Variants in HDAC4 observed in about 807,000 individuals in gnomAD.
HDAC4 encodes the protein histone deacetylase A.
HDAC4 carries 16 observed loss-of-function variants against 135.1 expected under a neutral mutation model. The ratio of observed to expected loss-of-function variants is 0.12; its 90% CI spans 0.08 to 0.18. The LOEUF (loss-of-function observed/expected upper bound fraction) is 0.18. Among genes scored for constraint, HDAC4 ranks in the 10% least tolerant of loss-of-function variants. HDAC4 has a pLI of 1.00. For synonymous variants in HDAC4, 685 were observed against 653.4 expected, an observed-to-expected ratio of 1.05 and a Z score of -0.74; for missense variants, 1,143 against 1,511.8, an observed-to-expected ratio of 0.76 and a Z score of 4.05.
intron 7 of HDAC4, among the ~76,000 whole-genome samples, chr2:239,149,018 C>T (rs147655942): frequency 1.8e-4 from 28 of 152,276 alleles, no homozygotes; most frequent in South Asian, 6.2e-4. Context: ...ATAACGCAGG[C>T]GGGACAGGCA....
At chr2:239,076,855 C>G (rs947548321) in intron 22 of HDAC4, among the ~76,000 whole-genome samples, 2 of 152,190 alleles carry the variant, frequency 1.3e-5, no homozygotes, top group African/African-American at 4.8e-5. Context: ...CATCCACCCC[C>G]ACCTGAACCT....
intron 2 of HDAC4, among the ~76,000 whole-genome samples, chr2:239,305,825 C>A (rs182793434): frequency 6.6e-6 from 1 of 152,300 alleles, no homozygotes; most frequent in African/African-American, 2.4e-5. Flanking sequence ...ACACAGGAAG[C>A]TTTAGCAAGT....
At position 239,349,589 on chromosome 2, in the gene HDAC4, A is replaced by T. The variant is rs944045709; in HGVS notation, c.22+3089T>A. On this transcript the variant is annotated intron_variant, in intron 2 of 26. Coordinates refer to ENST00000543185, the MANE Select transcript of HDAC4 (RefSeq NM_001378414.1). The surrounding 1 kb of genome is among the most constrained non-coding windows in gnomAD (Gnocchi z 5.7). Reference sequence around the variant, plus strand: ...CACAAGCGAGTGGGCCTCGCCCAGGAGGGAGGGCACGGTTCTGGGCAAGCC... The same window carrying T: ...CACAAGCGAGTGGGCCTCGCCCAGGTGGGAGGGCACGGTTCTGGGCAAGCC... Among the ~76,000 whole-genome samples the T allele has an allele frequency of 6.6e-6, 1 of 152,142 alleles. No individual in the cohort carries two copies. The highest frequency in any genetic ancestry group is 6.5e-5 in the Admixed American group (1 of 15,292).
intron 7 of HDAC4, among the ~76,000 whole-genome samples, chr2:239,148,323 G>T (rs1308293966): frequency 6.6e-6 from 1 of 152,182 alleles, no homozygotes; most frequent in Non-Finnish European, 1.5e-5. Context: ...AGGATAAAAA[G>T]ATGAAAAATG....
chr2:239,212,274 T>C (rs2046386827), intron 3 of HDAC4, among the ~76,000 whole-genome samples: 1 of 152,170 alleles, frequency 6.6e-6, no homozygotes, highest in Non-Finnish European at 1.5e-5. Context: ...GCCTCCTGGC[T>C]GAGCTGGGCG....
chr2:239,080,057 C>T (rs975859209), intron 22 of HDAC4, among the ~76,000 whole-genome samples: 4 of 150,872 alleles, frequency 2.7e-5, no homozygotes, highest in Admixed American at 2.6e-4. Flanking sequence ...CCCACCCACA[C>T]AGACACACAC....
chr2:239,102,192 G>C (rs1041810110), intron 16 of HDAC4, among the ~76,000 whole-genome samples: 9 of 151,746 alleles, frequency 5.9e-5, no homozygotes, highest in African/African-American at 2.2e-4. Context: ...TGTGGCCTGG[G>C]AACACTGGAA....
chr2:239,168,264 A>G (rs1281323150), intron 5 of HDAC4, among the ~76,000 whole-genome samples: 1 of 152,136 alleles, frequency 6.6e-6, no homozygotes, highest in Non-Finnish European at 1.5e-5. Flanking sequence ...CAGTGAGAGA[A>G]AGCGGGGCTG....
intron 6 of HDAC4, among the ~76,000 whole-genome samples, chr2:239,157,327 C>G (rs541005626): frequency 6.6e-6 from 1 of 152,168 alleles, no homozygotes; most frequent in East Asian, 2.0e-4. Context: ...CGTGCCTTCA[C>G]CAAACTCACC....
intron 11 of HDAC4, among the ~76,000 whole-genome samples, chr2:239,131,596 G>A (rs2040590269): frequency 6.6e-6 from 1 of 152,204 alleles, no homozygotes; most frequent in Non-Finnish European, 1.5e-5. Context: ...GGCTCTGGGG[G>A]CTGGCTGCGG....
intron 2 of HDAC4, among the ~76,000 whole-genome samples, chr2:239,283,746 T>C (rs1043845148): frequency 2.0e-5 from 3 of 152,182 alleles, no homozygotes; most frequent in African/African-American, 4.8e-5. Flanking sequence ...CGGGCGGTCA[T>C]GGAATTGGAG....
chr2:239,158,048 G>A (rs1343488467), intron 6 of HDAC4, among the ~76,000 whole-genome samples: 4 of 152,228 alleles, frequency 2.6e-5, no homozygotes, highest in Admixed American at 1.3e-4. Context: ...AGTCAGGCTC[G>A]GACTGCAGGG....
At chr2:239,054,172 T>G (rs2031392188) in intron 25 of HDAC4, among the ~76,000 whole-genome samples, 1 of 152,126 alleles carries the variant, frequency 6.6e-6, no homozygotes, top group Non-Finnish European at 1.5e-5. Flanking sequence ...TACCCCTGCT[T>G]CTGTGGACAG....
chr2:239,162,933 G>A (rs575870416), intron 6 of HDAC4, among the ~76,000 whole-genome samples: 7 of 152,070 alleles, frequency 4.6e-5, no homozygotes, highest in East Asian at 1.9e-4. Flanking sequence ...CTGATATTTC[G>A]ATTTACAAAA....
rs2052781711 is a variant in HDAC4, at chr2:239,309,746, C to G, written c.22+42932G>C. On this transcript the variant is annotated intron_variant, in intron 2 of 26. Coordinates refer to ENST00000543185, the MANE Select transcript of HDAC4 (RefSeq NM_001378414.1). The surrounding 1 kb of genome is among the most constrained non-coding windows in gnomAD (Gnocchi z 4.2). ...TCAAGGGAGGCAATCCCCCCACACA[C>G]CATCCCCTTCCCCTTCGCTCATCTG... 6.6e-6 allele frequency among the ~76,000 whole-genome samples: 1 copy of G among 152,226 alleles called. No homozygotes were observed. The highest frequency in any genetic ancestry group is 1.5e-5 in the Non-Finnish European group (1 of 68,030).
chr2:239,382,908 T>C (rs1417405028), intron 1 of HDAC4, among the ~76,000 whole-genome samples: 1 of 152,028 alleles, frequency 6.6e-6, no homozygotes, highest in Admixed American at 6.6e-5. Flanking sequence ...TGTATTTTTT[T>C]TAGTAGAGAT....
chr2:239,281,755 A>T (rs2050772788), intron 2 of HDAC4, among the ~76,000 whole-genome samples: 1 of 149,696 alleles, frequency 6.7e-6, no homozygotes, highest in Non-Finnish European at 1.5e-5. Flanking sequence ...TGTACACGCC[A>T]CTCTACAATT....
intron 7 of HDAC4, among the ~76,000 whole-genome samples, chr2:239,149,145 T>A (rs2041948994): frequency 6.6e-6 from 1 of 152,090 alleles, no homozygotes; most frequent in Non-Finnish European, 1.5e-5. Flanking sequence ...CTCATGCCTG[T>A]AATCCCAGCA....
chr2:239,266,103 G>C (rs1219263298), intron 2 of HDAC4, among the ~76,000 whole-genome samples: 1 of 152,216 alleles, frequency 6.6e-6, no homozygotes, highest in Non-Finnish European at 1.5e-5. Flanking sequence ...AGCCAGTGAA[G>C]GCTGCTGAGA....
Sources: allele counts gnomAD v4.1 joint callset (sites outside exome capture counted in the v4.1 genomes callset), GRCh38; gene constraint gnomAD v4.1.1; non-coding constraint Gnocchi (gnomAD v3.1); transcripts MANE v1.5; gene names NCBI Gene and HGNC (gene_info 2026-07-23, HGNC 2026-07-21).